The following PIK3R6 variants were observed in gnomAD, a reference collection of about 807,000 sequenced individuals.
The protein encoded by PIK3R6 is phosphoinositide 3-kinase regulatory subunit 6.
A neutral mutation model predicts 84.9 loss-of-function variants in PIK3R6; 91 were observed. That is an observed-to-expected ratio of 1.07 (90% CI 0.90 to 1.28). The LOEUF (loss-of-function observed/expected upper bound fraction) is 1.28, where lower values mean the gene tolerates loss of function less well. Among genes scored for constraint, PIK3R6 ranks in the 50% most tolerant of loss-of-function variants. The pLI is 0.00. For synonymous variants in PIK3R6, 416 were observed against 411.4 expected (o/e 1.01, Z -0.13); for missense variants, 996 against 985.1 (o/e 1.01, Z -0.15).
chr17:8,865,855 G>A (rs1597450630), intron 1 of PIK3R6, among the ~76,000 whole-genome samples: 4 of 149,546 alleles, frequency 2.7e-5, no homozygotes, highest in Admixed American at 2.7e-4. Context: ...GGAAACACCT[G>A]GATATGAAAG....
chr17:8,806,115 C>A (rs531108845), intron 18 of PIK3R6, among the ~76,000 whole-genome samples: 1 of 152,216 alleles, frequency 6.6e-6, no homozygotes, highest in East Asian at 1.9e-4. Context: ...CTGCAGGGGG[C>A]TGAAGTCCTG....
At chr17:8,859,813 T>C (rs898777104) in intron 1 of PIK3R6, among the ~76,000 whole-genome samples, 4 of 152,160 alleles carry the variant, frequency 2.6e-5, no homozygotes, top group African/African-American at 9.7e-5. Flanking sequence ...CACCACTGAC[T>C]TTCCTGGGCC....
intron 4 of PIK3R6, chr17:8,838,206 T>C: frequency 2.2e-6 from 1 of 459,732 alleles, no homozygotes; most frequent in Non-Finnish European, 3.9e-6. Context: ...GGTTGCAAAG[T>C]ACAACATTGG....
intron 1 of PIK3R6, among the ~76,000 whole-genome samples, chr17:8,866,386 C>T (rs534747833): frequency 6.6e-6 from 1 of 152,118 alleles, no homozygotes; most frequent in African/African-American, 2.4e-5. Flanking sequence ...ACTAAAAATA[C>T]AAAAAATTAG....
intron 4 of PIK3R6, 45 bp from the exon 5 acceptor site, chr17:8,837,916 C>G: frequency 6.4e-7 from 1 of 1,552,730 alleles, no homozygotes; most frequent in South Asian, 1.1e-5. Flanking sequence ...CTGGGGGAAT[C>G]CCCACTTCAT....
chr17:8,805,024 G>C (rs577279282), intron 18 of PIK3R6, among the ~76,000 whole-genome samples: 1 of 152,332 alleles, frequency 6.6e-6, no homozygotes, highest in African/African-American at 2.4e-5. Context: ...ATCTAGCAGA[G>C]GCACGAGCAG....
chr17:8,822,940 G>C, intron 15 of PIK3R6, 56 bp downstream of exon 15: 1 of 1,385,140 alleles, frequency 7.2e-7, no homozygotes, highest in Non-Finnish European at 1.0e-6. Flanking sequence ...GGAAGGATGA[G>C]AGTTTGGAGA....
intron 2 of PIK3R6, among the ~76,000 whole-genome samples, chr17:8,840,780 T>A: frequency 6.7e-6 from 1 of 150,202 alleles, no homozygotes; most frequent in African/African-American, 2.5e-5. Flanking sequence ...TGAGACGGAG[T>A]CTAACTCTGT....
At chr17:8,822,002 C>A in intron 16 of PIK3R6, 66 bp from the exon 17 acceptor site, 16 of 1,236,694 alleles carry the variant, frequency 1.3e-5, no homozygotes, top group Non-Finnish European at 1.7e-5. Context: ...TGCATCCCCA[C>A]ATCCACAGTC....
intron 1 of PIK3R6, among the ~76,000 whole-genome samples, chr17:8,854,294 A>G (rs2089066551): frequency 6.6e-6 from 1 of 152,082 alleles, no homozygotes; most frequent in South Asian, 2.1e-4. Flanking sequence ...GACTACAGGC[A>G]CACGCCACCA....
chr17:8,827,383 T>A, intron 12 of PIK3R6, 89 bp from the exon 13 acceptor site: 2 of 1,428,646 alleles, frequency 1.4e-6, no homozygotes, highest in Non-Finnish European at 1.9e-6. Context: ...GTGAATATGG[T>A]CAAGTCATTT....
intron 2 of PIK3R6, among the ~76,000 whole-genome samples, chr17:8,846,551 C>T (rs1038037645): frequency 3.3e-5 from 5 of 151,992 alleles, no homozygotes; most frequent in East Asian, 1.9e-4. Context: ...TTGCTTTGGG[C>T]GGTATGGACA....
intron 13 of PIK3R6, among the ~76,000 whole-genome samples, chr17:8,825,941 A>G (rs936192130): frequency 1.3e-5 from 2 of 152,244 alleles, no homozygotes; most frequent in Non-Finnish European, 2.9e-5. Context: ...CTCTTACTAT[A>G]TAAAAGCCCT....
At chr17:8,826,963 A>G (rs776403602) in intron 13 of PIK3R6, among the ~76,000 whole-genome samples, 1 of 152,118 alleles carries the variant, frequency 6.6e-6, no homozygotes, top group Non-Finnish European at 1.5e-5. Context: ...GTTCAAAGCC[A>G]CTATCTGGTT....
chr17:8,857,900 CAAAA>C (rs531309380), intron 1 of PIK3R6, among the ~76,000 whole-genome samples: 10 of 93,896 alleles, frequency 1.1e-4, no homozygotes, highest in Admixed American at 6.9e-4. Flanking sequence ...AACTCTGTCT[CAAAA>C]AAAAAAAAAA....
chr17:8,854,301 A>T (rs1372728104), intron 1 of PIK3R6, among the ~76,000 whole-genome samples: 1 of 152,112 alleles, frequency 6.6e-6, no homozygotes, highest in African/African-American at 2.4e-5. Context: ...GGCACACGCC[A>T]CCATGCCCAG....
chr17:8,806,771 A>C (rs2087219852), intron 18 of PIK3R6, among the ~76,000 whole-genome samples: 1 of 151,958 alleles, frequency 6.6e-6, no homozygotes, highest in African/African-American at 2.4e-5. Flanking sequence ...CTAAGGTCAT[A>C]TCTGACCCTT....
chr17:8,817,251 T>A (rs989259434), intron 18 of PIK3R6, among the ~76,000 whole-genome samples: 2 of 152,264 alleles, frequency 1.3e-5, no homozygotes, highest in Admixed American at 1.3e-4. Context: ...AAAATGTTAA[T>A]AGTCATTCTC....
At chr17:8,807,031 A>T (rs1370138375) in intron 18 of PIK3R6, among the ~76,000 whole-genome samples, 1 of 152,250 alleles carries the variant, frequency 6.6e-6, no homozygotes, top group African/African-American at 2.4e-5. Flanking sequence ...AAAGCCCCTG[A>T]CCAGGTTGTT....
Sources: gnomAD v4.1 joint callset for allele counts (sites outside exome capture counted in the v4.1 genomes callset) on GRCh38, gnomAD v4.1.1 for gene constraint, MANE v1.5 for transcripts, NCBI Gene and HGNC (gene_info 2026-07-23, HGNC 2026-07-21) for gene names.